MYO1A: variants seen among roughly 807,000 people sequenced by gnomAD.
The protein encoded by MYO1A is unconventional myosin-Ia.
In MYO1A, 127 loss-of-function variants were observed where a neutral mutation model predicts 138.5. That is an observed-to-expected ratio of 0.92 (90% confidence interval 0.79 to 1.06). MYO1A has a LOEUF of 1.06. Among genes scored for constraint, MYO1A ranks in the 50% least tolerant of loss-of-function variants. The pLI is 0.00. For synonymous variants in MYO1A, 477 were observed against 497.5 expected (o/e 0.96, Z 0.55); for missense variants, 1,211 against 1,288.8 (o/e 0.94, Z 0.92).
Position 57,037,109 on chromosome 12 carries a change from G to A in MYO1A, c.2056-18C>T. The A allele has an allele frequency of 1.2e-6, 2 of 1,613,838 alleles. No homozygotes were observed. Reference sequence around the variant, plus strand: ...TAGAAAAGCTGTGGAGAGGTGGAAGGGGGTGACAGAGAGACTGGCTCAGGG... The same window carrying A: ...TAGAAAAGCTGTGGAGAGGTGGAAGAGGGTGACAGAGAGACTGGCTCAGGG... On this transcript the variant is annotated intron_variant, in intron 19 of 27. Transcript: ENST00000300119.
intron 8 of MYO1A, among the ~76,000 whole-genome samples, chr12:57,045,100 G>A (rs1385384370): frequency 1.3e-5 from 2 of 152,150 alleles, no homozygotes; most frequent in Non-Finnish European, 2.9e-5. Flanking sequence ...ATATCATATG[G>A]GCTAGGTTTT....
rs190424687 is a variant in MYO1A, at chr12:57,038,751, C to A, written c.1533+58G>T. 292 of 1,611,278 alleles carry A rather than the reference C, an allele frequency of 1.8e-4. 2 individuals carry two copies. In the African/African-American group the frequency reaches 3.2e-3, roughly 18 times the overall value. On this transcript the variant is annotated intron_variant, in intron 16 of 27. Transcript: ENST00000300119. ...TCTCACCTTCCCCGGGTTCCTCCCCCATTGACTTCAGTCTGGGCCTGAGCC... is the reference window on the plus strand; with the variant it reads ...TCTCACCTTCCCCGGGTTCCTCCCCAATTGACTTCAGTCTGGGCCTGAGCC...
chr12:57,047,004 T>C, intron 6 of MYO1A, 57 bp downstream of exon 6: 1 of 1,608,896 alleles, frequency 6.2e-7, no homozygotes, highest in South Asian at 1.1e-5. Flanking sequence ...CTGTGCCACA[T>C]TCCTCCCTCT....
In MYO1A at chr12:57,037,094, G is replaced by A; in HGVS notation, c.2056-3C>T. 1 of 1,614,124 alleles carries A rather than the reference G, an allele frequency of 6.2e-7. No individual in the cohort carries two copies. Among genetic ancestry groups the A allele is most frequent in the Non-Finnish European group, 8.5e-7 (1 of 1,180,026 alleles). On this transcript the variant is annotated splice_polypyrimidine_tract_variant and splice_region_variant and intron_variant, in intron 19 of 27. Coordinates refer to ENST00000300119, the MANE Select transcript of MYO1A (RefSeq NM_005379.4). ...CTCTGTTCTTCGAGGTAGAAAAGCT[G>A]TGGAGAGGTGGAAGGGGGTGACAGA...
At position 57,046,645 on chromosome 12, in the gene MYO1A, G is replaced by A. The variant is rs750584928; in HGVS notation, c.547C>T (p.Leu183Phe). ...TGCTTCACTAATCGGGATTTCTCAA[G>A]CAGATCTGGCAGAGAATTAGAAAAA... ...PLGGVITNYLLEKSRLVKQLK... is the reference protein window; with the variant it reads ...PLGGVITNYLFEKSRLVKQLK... Residue 183 changes from leucine to phenylalanine, a missense_variant, in exon 8 of 28, where the codon CTT becomes TTT. Transcript: ENST00000300119. 1.9e-6 allele frequency: 3 copies of A among 1,613,318 alleles called. No individual in the cohort carries two copies. The highest frequency in any genetic ancestry group is 2.2e-5 in the South Asian group (2 of 91,060).
chr12:57,028,821 A>G lies in MYO1A; in HGVS notation c.3066T>C (p.Gly1022=). ...VAVKVVQGPA[G]GDNSKLRYKK... ...TGTAGCGTAGCTTGCTGTTGTCACC[A>G]CCTGCAGGGCCCTGGACGACCTTGA... The change falls in exon 28 of 28, where the codon GGT becomes GGC. Residue 1022 remains glycine, a synonymous_variant. Transcript: ENST00000300119. The G allele has an allele frequency of 6.2e-7, 1 of 1,613,618 alleles. No homozygotes were observed. The highest frequency in any genetic ancestry group is 8.5e-7 in the Non-Finnish European group (1 of 1,179,886).
At chr12:57,049,633 T>C (rs1305784268) in intron 1 of MYO1A, among the ~76,000 whole-genome samples, 1 of 152,238 alleles carries the variant, frequency 6.6e-6, no homozygotes, top group African/African-American at 2.4e-5. Flanking sequence ...ATTTAGTGCT[T>C]ACAATATCCC....
Position 57,046,550 on chromosome 12 carries a change from A to C in MYO1A, c.640+2T>G, listed in dbSNP as rs772380656. ...GGACACTTTCCCCATGCAGGCACATACTCAGCAGCTGTTCATCTGCTCCAG... is the reference window on the plus strand; with the variant it reads ...GGACACTTTCCCCATGCAGGCACATCCTCAGCAGCTGTTCATCTGCTCCAG... On this transcript the variant is annotated splice_donor_variant, in intron 8 of 27. Transcript: ENST00000300119. LOFTEE classifies it high-confidence loss of function. The C allele has an allele frequency of 1.2e-6, 2 of 1,611,410 alleles. No individual in the cohort carries two copies. The highest frequency in any genetic ancestry group is 2.7e-5 in the African/African-American group (2 of 74,842).
intron 4 of MYO1A, 50 bp downstream of exon 4, chr12:57,047,577 G>A (rs1565648471): frequency 6.3e-7 from 1 of 1,592,116 alleles, no homozygotes; most frequent in Non-Finnish European, 8.6e-7. Flanking sequence ...AAGAGACAAG[G>A]AAGCAGTTCC....
intron 18 of MYO1A, 68 bp from the exon 19 acceptor site, chr12:57,037,709 C>T: frequency 6.5e-7 from 1 of 1,540,482 alleles, no homozygotes; most frequent in South Asian, 1.1e-5. Context: ...CACCTTTCCC[C>T]TAATCCTTTC....
At chr12:57,042,099 C>T (rs12423904) in intron 12 of MYO1A, among the ~76,000 whole-genome samples, 4 of 152,272 alleles carry the variant, frequency 2.6e-5, no homozygotes, top group Admixed American at 2.6e-4. Context: ...ATTTTCACCA[C>T]CCCACAAAAG....
Position 57,037,598 on chromosome 12 carries a change from C to T in MYO1A, c.2005G>A (p.Gly669Arg), listed in dbSNP as rs1037808587. ...KVLGELSMSSGELAFGKTKIF... is the reference protein window; with the variant it reads ...KVLGELSMSSRELAFGKTKIF... The stretch of plus-strand genomic sequence containing the variant: ...TTTGTCTTGCCAAAGGCCAGCTCCC[C>T]CGAGGACATGCTCAGCTCCCCCAGG... The change falls in exon 19 of 28, where the codon GGG (glycine) becomes AGG (arginine). Residue 669 changes from glycine (G) to arginine (R), a missense_variant. Gly to Arg is a moderately radical substitution (Grantham distance 125). Transcript: ENST00000300119. The T allele has an allele frequency of 5.0e-6, 8 of 1,614,030 alleles. No individual in the cohort carries two copies. Among genetic ancestry groups the T allele is most frequent in the Non-Finnish European group, 6.8e-6 (8 of 1,180,038 alleles).
At position 57,041,508 on chromosome 12, in the gene MYO1A, G is replaced by A. The variant is rs746974645; in HGVS notation, c.1099-11C>T. 214 of 1,610,104 alleles carry A rather than the reference G, an allele frequency of 1.3e-4. No individual in the cohort carries two copies. The highest frequency in any genetic ancestry group is 1.6e-4 in the Non-Finnish European group (189 of 1,176,466). On this transcript the variant is annotated splice_polypyrimidine_tract_variant and intron_variant, in intron 12 of 27. Coordinates refer to ENST00000300119, the MANE Select transcript of MYO1A (RefSeq NM_005379.4). ...TTCCCCGATGCCCACCTGAAGAGGA[G>A]AGAAAGATAAATCTGAGGACAGGCC...
chr12:57,043,072 C>A lies in MYO1A; in HGVS notation c.1098G>T (p.Lys366Asn). The change falls in exon 12 of 28, where the codon AAG (lysine) becomes AAT (asparagine). Residue 366 changes from lysine (K) to asparagine (N), a missense_variant and splice_region_variant. Lys to Asn is a moderately conservative substitution (Grantham distance 94). Coordinates refer to ENST00000300119, the MANE Select transcript of MYO1A (RefSeq NM_005379.4). Reference protein sequence around the residue: ...WIVNRINESIKVGIGEKKKVM... With the variant: ...WIVNRINESINVGIGEKKKVM... ...TGGAGAAAGCAGAGCGGCCACTTGC[C>A]TTGATGCTCTCATTGATTCGATTCA... The A allele has an allele frequency of 2.5e-6, 4 of 1,614,136 alleles. No individual in the cohort carries two copies. Among genetic ancestry groups the A allele is most frequent in the Non-Finnish European group, 3.4e-6 (4 of 1,180,032 alleles).
chr12:57,038,884 G>T lies in MYO1A; in HGVS notation c.1458C>A (p.Val486=). 1.2e-6 allele frequency: 2 copies of T among 1,614,194 alleles called. No homozygotes were observed. The highest frequency in any genetic ancestry group is 1.1e-5 in the South Asian group (1 of 91,072). ...CATACTGACGCTGGGCATTCTGGGT[G>T]ACTTTGCTCTCGTAGTGGCCATGCT... The part of the protein sequence containing the change: ...FSKHGHYESK[V]TQNAQRQYDH... The change falls in exon 16 of 28, where the codon GTC becomes GTA. Residue 486 remains valine (V), a synonymous_variant. Coordinates refer to ENST00000300119, the MANE Select transcript of MYO1A (RefSeq NM_005379.4).
Position 57,037,962 on chromosome 12 carries a change from G to C in MYO1A, c.1868C>G (p.Ala623Gly). The C allele has an allele frequency of 2.5e-6, 4 of 1,614,166 alleles. No individual in the cohort carries two copies. The highest frequency in any genetic ancestry group is 3.4e-6 in the Non-Finnish European group (4 of 1,180,042). The change falls in exon 18 of 28, where the codon GCA becomes GGA. Residue 623 changes from alanine to glycine, a missense_variant. Coordinates refer to ENST00000300119, the MANE Select transcript of MYO1A (RefSeq NM_005379.4). ...GLLENVRVRR[A>G]GYAHRQGYGP... Reference sequence around the variant, plus strand: ...ATAACCCTGGCGGTGGGCATAGCCTGCCCGTCGCACCCGTACGTTCTCCAG... The same window carrying C: ...ATAACCCTGGCGGTGGGCATAGCCTCCCCGTCGCACCCGTACGTTCTCCAG...
In MYO1A at chr12:57,029,453, A is replaced by G; in HGVS notation, c.2859T>C (p.Phe953=). 1 of 1,614,180 alleles carries G rather than the reference A, an allele frequency of 6.2e-7. No homozygotes were observed. Among genetic ancestry groups the G allele is most frequent in the Admixed American group, 1.7e-5 (1 of 60,030 alleles). ...CTGATACCTCACTCAGATGCAAGCTAAAGAGCCCATCCTTGAGGCTGGTGA... is the reference window on the plus strand; with the variant it reads ...CTGATACCTCACTCAGATGCAAGCTGAAGAGCCCATCCTTGAGGCTGGTGA... The part of the protein sequence containing the change: ...VSVTSLKDGL[F]SLHLSEMSSV... The change falls in exon 26 of 28, where the codon TTT becomes TTC. Residue 953 remains phenylalanine, a synonymous_variant. Transcript: ENST00000300119.
Position 57,030,320 on chromosome 12 carries a change from T to A in MYO1A, c.2485-4A>T, listed in dbSNP as rs377598944. ...GCTGATCCCGGAACCTCTTGCACTG[T>A]GAGGAAGGAGGGACAGGAGCTAAAA... is the stretch of plus-strand genomic sequence containing the variant. On this transcript the variant is annotated splice_region_variant and splice_polypyrimidine_tract_variant and intron_variant, in intron 23 of 27. Coordinates refer to ENST00000300119, the MANE Select transcript of MYO1A (RefSeq NM_005379.4). 4.3e-5 allele frequency: 70 copies of A among 1,612,258 alleles called. 2 individuals carry two copies. In the Middle Eastern group the frequency reaches 4.9e-4, roughly 11 times the overall value.
rs368985727 is a variant in MYO1A at position 57,038,512 on chromosome 12, G to C, written c.1660C>G (p.Gln554Glu). The C allele has an allele frequency of 2.4e-5, 39 of 1,614,206 alleles. 1 individual carries two copies. The East Asian group carries it at 3.6e-4, about 15-fold the overall frequency. ...GTCGGGGGGCGTTTGAGAGATGCCT[G>C]CTTAGGATTGCCCTCAGGAAACAAG... ...RSLFPEGNPK[Q>E]ASLKRPPTAG... Residue 554 changes from glutamine (Q) to glutamate (E), a missense_variant, in exon 17 of 28, where the codon CAG becomes GAG. Transcript: ENST00000300119.
Sources: allele counts gnomAD v4.1 joint callset (sites outside exome capture counted in the v4.1 genomes callset), GRCh38; gene constraint gnomAD v4.1.1; transcripts MANE v1.5; gene names NCBI Gene and HGNC (gene_info 2026-07-23, HGNC 2026-07-21).